PRRX2: variants seen among roughly 807,000 people sequenced by gnomAD.
PRRX2 encodes the protein paired related homeobox 2, also known as paired mesoderm homeobox protein 2.
In PRRX2, 11 loss-of-function variants were observed where a neutral mutation model predicts 18.0. The observed-to-expected ratio is 0.61, with a 90% CI of 0.39 to 1.01. The LOEUF (loss-of-function observed/expected upper bound fraction) is 1.01. Among genes scored for constraint, PRRX2 ranks in the 50% least tolerant of loss-of-function variants. The pLI is 0.01. For synonymous variants in PRRX2, 177 were observed against 154.8 expected, an observed-to-expected ratio of 1.14 and a Z score of -1.06; for missense variants, 387 against 351.0, an observed-to-expected ratio of 1.10 and a Z score of -0.82.
At chr9:129,684,798 A>G (rs1380562189) in intron 1 of PRRX2, among the ~76,000 whole-genome samples, 1 of 152,190 alleles carries the variant, frequency 6.6e-6, no homozygotes, top group Non-Finnish European at 1.5e-5. Flanking sequence ...CTTCAGGTAC[A>G]TCTCATGTAT....
chr9:129,708,089 T>C (rs1174534976), intron 1 of PRRX2, among the ~76,000 whole-genome samples: 3 of 151,942 alleles, frequency 2.0e-5, no homozygotes, highest in East Asian at 3.9e-4. Flanking sequence ...CAGGCTAGAG[T>C]GCAGTGCGTG....
chr9:129,694,427 C>T (rs1441385845), intron 1 of PRRX2, among the ~76,000 whole-genome samples: 3 of 152,180 alleles, frequency 2.0e-5, no homozygotes, highest in Non-Finnish European at 2.9e-5. Flanking sequence ...TCAAGTGATC[C>T]GCCCGCCTCG....
intron 1 of PRRX2, among the ~76,000 whole-genome samples, chr9:129,693,890 G>A (rs184088663): frequency 6.6e-6 from 1 of 152,320 alleles, no homozygotes; most frequent in Non-Finnish European, 1.5e-5. Flanking sequence ...AGCGTGTCAA[G>A]GGACAAGGGA....
intron 1 of PRRX2, among the ~76,000 whole-genome samples, chr9:129,673,868 G>A (rs1299083255): frequency 9.8e-5 from 15 of 152,308 alleles, no homozygotes; most frequent in Middle Eastern, 3.4e-3. Flanking sequence ...TTCCTGTTTA[G>A]ACAGAGGGAG....
chr9:129,706,849 C>G (rs990936328), intron 1 of PRRX2, among the ~76,000 whole-genome samples: 11 of 152,200 alleles, frequency 7.2e-5, no homozygotes, highest in African/African-American at 2.7e-4. Context: ...AAGCCCTGCA[C>G]TTTTTAGCTG....
chr9:129,705,639 G>C (rs1832548148), intron 1 of PRRX2, among the ~76,000 whole-genome samples: 1 of 151,718 alleles, frequency 6.6e-6, no homozygotes, highest in Non-Finnish European at 1.5e-5. Context: ...ACAAGCACGA[G>C]CCACTGTGCC....
At chr9:129,685,519 C>G (rs1832290102) in intron 1 of PRRX2, among the ~76,000 whole-genome samples, 1 of 152,014 alleles carries the variant, frequency 6.6e-6, no homozygotes, top group Admixed American at 6.6e-5. Flanking sequence ...GCCACCACCC[C>G]CACCTGGCTA....
At position 129,715,750 on chromosome 9, in the gene PRRX2, TCACACACACACA is replaced by T. The variant is rs58405360; in HGVS notation, c.260-3449_260-3438del. Among the ~76,000 whole-genome samples the T allele has an allele frequency of 4.5e-4, 63 of 138,950 alleles. No individual in the cohort carries two copies. In the South Asian group the frequency reaches 5.0e-3, roughly 11 times the overall value. 91.2% of individuals were successfully genotyped at this position (138,950 alleles called of 152,430 possible). On this transcript the variant is annotated intron_variant, in intron 1 of 3. Transcript: ENST00000372469. This position sits in a 1 kb window ranked among gnomAD's most constrained non-coding sequence, Gnocchi z 4.0. ...AAACCCAGCTTCAGGGACATCTTTC[TCACACACACACA>T]CACACACACACACACACACACACAC...
intron 1 of PRRX2, among the ~76,000 whole-genome samples, chr9:129,705,256 TAGTC>T (rs1190200581): frequency 1.3e-5 from 2 of 149,890 alleles, no homozygotes; most frequent in Non-Finnish European, 3.0e-5. Context: ...CAGAGGGAGG[TAGTC>T]AGGCACCAAA....
At chr9:129,674,381 G>T (rs1276420919) in intron 1 of PRRX2, among the ~76,000 whole-genome samples, 2 of 152,158 alleles carry the variant, frequency 1.3e-5, no homozygotes, top group African/African-American at 2.4e-5. Context: ...TTTTCTGTGC[G>T]TGGGATGGGC....
At chr9:129,683,627 C>T (rs1380708144) in intron 1 of PRRX2, among the ~76,000 whole-genome samples, 5 of 151,970 alleles carry the variant, frequency 3.3e-5, no homozygotes, top group Admixed American at 6.6e-5. Flanking sequence ...CCCAACTACT[C>T]GGGAGGCTGA....
Position 129,717,695 on chromosome 9 carries a change from CAAAAAA to C in PRRX2, c.260-1522_260-1517del, listed in dbSNP as rs568330077. 3.6e-5 allele frequency among the ~76,000 whole-genome samples: 3 copies of C among 82,522 alleles called. No individual in the cohort carries two copies. In the Admixed American group the frequency reaches 4.5e-4, roughly 12 times the overall value. 54.1% of individuals were successfully genotyped at this position (82,522 alleles called of 152,430 possible). A position where few individuals can be genotyped will look rare whatever the true frequency, so the allele number is the denominator to read the frequency against. On this transcript the variant is annotated intron_variant, in intron 1 of 3. Transcript: ENST00000372469. ...TGGAGGACAGAACAAGACTCCGCCT[CAAAAAA>C]AAAAAAAAAAAAAGAAAAAGAAAAA...
intron 1 of PRRX2, among the ~76,000 whole-genome samples, chr9:129,681,092 G>A (rs1207599723): frequency 5.3e-5 from 8 of 152,228 alleles, no homozygotes; most frequent in East Asian, 1.9e-4. Flanking sequence ...ACATGCACTC[G>A]CACCCACACT....
At chr9:129,711,808 T>A (rs1007788701) in intron 1 of PRRX2, among the ~76,000 whole-genome samples, 1 of 152,138 alleles carries the variant, frequency 6.6e-6, no homozygotes, top group Non-Finnish European at 1.5e-5. Context: ...ACCGGCCACC[T>A]CCTTAACCAG....
chr9:129,678,324 C>T (rs71499474), intron 1 of PRRX2, among the ~76,000 whole-genome samples: 1 of 152,070 alleles, frequency 6.6e-6, no homozygotes, highest in Non-Finnish European at 1.5e-5. Flanking sequence ...TCAGGGAGGC[C>T]TTCTGTGAAT....
At chr9:129,703,870 C>T (rs566637242) in intron 1 of PRRX2, among the ~76,000 whole-genome samples, 4 of 152,350 alleles carry the variant, frequency 2.6e-5, no homozygotes, top group African/African-American at 9.6e-5. Context: ...AGTTGAGCCT[C>T]TCTGGGAATG....
At position 129,715,541 on chromosome 9, in the gene PRRX2, C is replaced by G. The variant is rs552632272; in HGVS notation, c.260-3690C>G. 2.6e-5 allele frequency among the ~76,000 whole-genome samples: 4 copies of G among 152,050 alleles called. No homozygotes were observed. The highest frequency in any genetic ancestry group is 4.4e-5 in the Non-Finnish European group (3 of 68,002). ...AGGAGGTCGAGGCTGCAGTGTGTTA[C>G]GATTGCGCCACTGCACTCCAGCTTG... On this transcript the variant is annotated intron_variant, in intron 1 of 3. Coordinates refer to ENST00000372469, the MANE Select transcript of PRRX2 (RefSeq NM_016307.4). The surrounding 1 kb of genome is among the most constrained non-coding windows in gnomAD (Gnocchi z 4.0).
intron 1 of PRRX2, among the ~76,000 whole-genome samples, chr9:129,683,384 G>C (rs1832257927): frequency 6.6e-6 from 1 of 152,224 alleles, no homozygotes; most frequent in Admixed American, 6.5e-5. Flanking sequence ...GCTCTGTGCA[G>C]GTCCTGGGCA....
intron 1 of PRRX2, among the ~76,000 whole-genome samples, chr9:129,698,770 GGTCACAGGCTCAAA>G (rs1280949565): frequency 6.6e-6 from 1 of 152,160 alleles, no homozygotes; most frequent in Admixed American, 6.5e-5. Flanking sequence ...AGAGAGGAGC[GGTCACAGGCTCAAA>G]GTCACAGAGC....
Sources: allele counts gnomAD v4.1 joint callset (sites outside exome capture counted in the v4.1 genomes callset), GRCh38; gene constraint gnomAD v4.1.1; non-coding constraint Gnocchi (gnomAD v3.1); transcripts MANE v1.5; gene names NCBI Gene and HGNC (gene_info 2026-07-23, HGNC 2026-07-21).